The following FGD2 variants were observed in gnomAD, a reference collection of about 807,000 sequenced individuals.
The protein encoded by FGD2 is FYVE, RhoGEF and PH domain containing 2.
A neutral mutation model predicts 75.9 loss-of-function variants in FGD2; 52 were observed. The observed-to-expected ratio is 0.69, with a 90% CI of 0.55 to 0.86. The LOEUF (loss-of-function observed/expected upper bound fraction) is 0.86. Among genes scored for constraint, FGD2 ranks in the 40% least tolerant of loss-of-function variants. The probability of loss-of-function intolerance (pLI) is 0.00; values close to 1 mark genes in which losing one functional copy is unlikely to be tolerated. For missense variants in FGD2, 790 were observed against 872.0 expected (o/e 0.91, Z 1.18); for synonymous variants, 347 against 348.6 (o/e 1.00, Z 0.05).
Position 37,014,393 on chromosome 6 carries a change from C to T in FGD2, c.824-253C>T, listed in dbSNP as rs1405679581. The T allele has an allele frequency of 4.8e-6, 3 of 618,746 alleles. No homozygotes were observed. In the African/African-American group the frequency reaches 5.5e-5, roughly 11 times the overall value. The allele number at this position is 618,746 out of a possible 1,614,324, so 38.3% of individuals were successfully genotyped here. ...GCTCCTTCCATTATACCCTCTAGGT[C>T]TGGCTTGTTTTGGGAAGCAGTGAGA... On this transcript the variant is annotated intron_variant, in intron 6 of 15. Coordinates refer to ENST00000274963, the MANE Select transcript of FGD2 (RefSeq NM_173558.4).
intron 11 of FGD2, 134 bp from the exon 12 acceptor site, chr6:37,021,378 G>A (rs528752581): frequency 3.1e-4 from 222 of 705,574 alleles, no homozygotes; most frequent in Middle Eastern, 2.0e-3. Context: ...GGCAGCCCGC[G>A]TGTGTGTAGA....
chr6:37,007,253 G>A (rs1011943695), intron 1 of FGD2, among the ~76,000 whole-genome samples: 2 of 152,202 alleles, frequency 1.3e-5, no homozygotes, highest in African/African-American at 4.8e-5. Context: ...CTCATGGCAG[G>A]CAATGTTTCC....
rs982699984 is a variant in FGD2, at chr6:37,005,726, A to C, written c.-92A>C. On this transcript the variant is annotated 5_prime_UTR_variant, in exon 1 of 16. Transcript: ENST00000274963. ...AACAGATTCATGGGTGATTTAGCCT[A>C]TCTGTCCCAGGCCAGCGTGGCTGAG... 31 of 1,363,544 alleles carry C rather than the reference A, an allele frequency of 2.3e-5. No individual in the cohort carries two copies. Among genetic ancestry groups the C allele is most frequent in the Non-Finnish European group, 3.0e-5 (29 of 964,998 alleles). The allele number at this position is 1,363,544 out of a possible 1,614,324, so 84.5% of individuals were successfully genotyped here.
intron 4 of FGD2, chr6:37,012,174 A>G (rs905211459): frequency 1.5e-4 from 40 of 263,764 alleles, no homozygotes; most frequent in African/African-American, 7.4e-4. Context: ...CTTTCCCTCT[A>G]TTAACTCCCT....
At position 37,014,660 on chromosome 6, in the gene FGD2, A is replaced by T. The variant is rs1344690623; in HGVS notation, c.838A>T (p.Ile280Phe). 6.2e-7 allele frequency: 1 copy of T among 1,613,830 alleles called. No homozygotes were observed. The highest frequency in any genetic ancestry group is 1.3e-5 in the African/African-American group (1 of 74,892). The change falls in exon 7 of 16, where the codon ATC (isoleucine) becomes TTC (phenylalanine). Residue 280 changes from isoleucine (I) to phenylalanine (F), a missense_variant. Ile to Phe is a conservative substitution (Grantham distance 21). Transcript: ENST00000274963. ...QADAQKALDM[I>F]FSAAQHSNAA... The stretch of plus-strand genomic sequence containing the variant: ...GCCCCTTTCAGAAGCCCTGGACATG[A>T]TCTTCTCAGCTGCCCAGCACTCCAA...
At chr6:37,011,140 C>A in intron 3 of FGD2, 90 bp downstream of exon 3, 1 of 1,279,540 alleles carries the variant, frequency 7.8e-7, no homozygotes, top group Non-Finnish European at 1.1e-6. Context: ...CTCACCAGAG[C>A]TGAGTCAGGA....
intron 1 of FGD2, 140 bp downstream of exon 1, chr6:37,006,025 TG>T: frequency 1.1e-6 from 1 of 949,600 alleles, no homozygotes; most frequent in South Asian, 1.5e-5. Flanking sequence ...ACGGATTCCT[TG>T]GAGCATGGGA....
intron 1 of FGD2, 56 bp downstream of exon 1, chr6:37,005,941 C>A: frequency 1.3e-5 from 20 of 1,586,434 alleles, no homozygotes; most frequent in Non-Finnish European, 1.6e-5. Flanking sequence ...CACCCTCCAG[C>A]CTTTCTGGCA....
chr6:37,011,787 A>T lies in FGD2; in HGVS notation c.460A>T (p.Ile154Phe). ...TGTGGTCAGGGTCATCTTCTCCAAC[A>T]TCTCCTCCATCTATCAGTTCCATTC... ...EDVVRVIFSNISSIYQFHSQF... is the reference protein window; with the variant it reads ...EDVVRVIFSNFSSIYQFHSQF... Residue 154 changes from isoleucine to phenylalanine, a missense_variant, in exon 4 of 16, where the codon ATC becomes TTC. Transcript: ENST00000274963. 6.2e-7 allele frequency: 1 copy of T among 1,614,050 alleles called. No homozygotes were observed. The highest frequency in any genetic ancestry group is 8.5e-7 in the Non-Finnish European group (1 of 1,179,990).
At chr6:37,009,430 CA>C (rs1002380098) in intron 2 of FGD2, 1 of 212,784 alleles carries the variant, frequency 4.7e-6, no homozygotes, top group African/African-American at 2.3e-5. Flanking sequence ...ACAACAATCT[CA>C]ACCTAGAAAT....
Position 37,025,828 on chromosome 6 carries a change from C to T in FGD2, c.1495C>T (p.Leu499=). The part of the protein sequence containing the change: ...CARCSDYRAE[L]KYDDNRPNRV... Reference sequence around the variant, plus strand: ...CAGGTGCTCCGACTACCGGGCCGAACTGAAATACGACGACAACAGGCCCAA... The same window carrying T: ...CAGGTGCTCCGACTACCGGGCCGAATTGAAATACGACGACAACAGGCCCAA... The change falls in exon 14 of 16, where the codon CTG becomes TTG. Residue 499 remains leucine (L), a synonymous_variant. Transcript: ENST00000274963. 1 of 1,614,238 alleles carries T rather than the reference C, an allele frequency of 6.2e-7. No individual in the cohort carries two copies. Among genetic ancestry groups the T allele is most frequent in the South Asian group, 1.1e-5 (1 of 91,090 alleles).
chr6:37,012,057 G>T, intron 4 of FGD2: 1 of 558,158 alleles, frequency 1.8e-6, no homozygotes. Flanking sequence ...ACTGCTTCCT[G>T]GGGAAAGGGG....
chr6:37,020,839 T>G lies in FGD2; in HGVS notation c.1233+100T>G. ...GACTACCTTGATGAAGCTCCTGGGA[T>G]TCTCCCTAGCCTATTTGGGCTGAAG... On this transcript the variant is annotated intron_variant, in intron 11 of 15. Transcript: ENST00000274963. 4 of 1,498,088 alleles carry G rather than the reference T, an allele frequency of 2.7e-6. No homozygotes were observed. In the Admixed American group the frequency reaches 6.1e-5, roughly 23 times the overall value. 92.8% of individuals were successfully genotyped at this position (1,498,088 alleles called of 1,614,324 possible). A position where few individuals can be genotyped will look rare whatever the true frequency, so the allele number is the denominator to read the frequency against.
At chr6:37,010,250 G>C (rs1253358549) in intron 2 of FGD2, among the ~76,000 whole-genome samples, 1 of 152,134 alleles carries the variant, frequency 6.6e-6, no homozygotes, top group Non-Finnish European at 1.5e-5. Flanking sequence ...TGGTTTCTGG[G>C]GAGGTCTCTG....
intron 14 of FGD2, 50 bp downstream of exon 14, chr6:37,025,988 G>A (rs776689743): frequency 6.2e-7 from 1 of 1,602,634 alleles, no homozygotes; most frequent in South Asian, 1.1e-5. Flanking sequence ...TTCAGGGAAT[G>A]TGTGCCCGGC....
At chr6:37,026,774 T>G (rs1765840240) in intron 14 of FGD2, among the ~76,000 whole-genome samples, 1 of 151,294 alleles carries the variant, frequency 6.6e-6, no homozygotes, top group Non-Finnish European at 1.5e-5. Context: ...CCAAGGTGGA[T>G]GGATCACGTG....
rs1252821546 is a variant in FGD2 at position 37,027,444 on chromosome 6, A to G, written c.1621A>G (p.Thr541Ala). Residue 541 changes from threonine (T) to alanine (A), a missense_variant, in exon 15 of 16, where the codon ACG becomes GCG. Thr to Ala is a moderately conservative substitution (Grantham distance 58). Transcript: ENST00000274963. The part of the protein sequence containing the change: ...RGILEKGSSA[T>A]PDQSLMCSFL... ...CTGGTTTTAGAAAGGGTCCTCAGCC[A>G]CGCCTGACCAGAGCCTGATGTGCAG... 14 of 1,609,612 alleles carry G rather than the reference A, an allele frequency of 8.7e-6. No individual in the cohort carries two copies. The East Asian group carries it at 2.5e-4, about 28-fold the overall frequency.
At chr6:37,026,118 C>CAGTGTGG in intron 14 of FGD2, 180 bp downstream of exon 14, 1 of 985,440 alleles carries the variant, frequency 1.0e-6, no homozygotes, top group Non-Finnish European at 1.2e-6. Flanking sequence ...ACAGCCCAGG[C>CAGTGTGG]AGTGTGGAGC....
At chr6:37,018,166 G>C (rs1464157433) in intron 9 of FGD2, among the ~76,000 whole-genome samples, 1 of 152,206 alleles carries the variant, frequency 6.6e-6, no homozygotes, top group Non-Finnish European at 1.5e-5. Flanking sequence ...CGACAGATAG[G>C]AAGGCTAAGA....
Sources: gnomAD v4.1 joint callset for allele counts (sites outside exome capture counted in the v4.1 genomes callset) on GRCh38, gnomAD v4.1.1 for gene constraint, MANE v1.5 for transcripts, NCBI Gene and HGNC (gene_info 2026-07-23, HGNC 2026-07-21) for gene names.